The following NFIX variants were observed in gnomAD, a reference collection of about 807,000 sequenced individuals.
NFIX encodes the protein nuclear factor 1 X-type.
NFIX carries 2 observed loss-of-function variants against 53.3 expected under a neutral mutation model. That is an observed-to-expected ratio of 0.04 (90% confidence interval 0.02 to 0.12). The LOEUF (loss-of-function observed/expected upper bound fraction) is 0.12. Among genes scored for constraint, NFIX ranks in the 10% least tolerant of loss-of-function variants. NFIX has a pLI of 1.00. For synonymous variants in NFIX, 244 were observed against 289.0 expected (o/e 0.84, Z 1.58); for missense variants, 310 against 674.5 (o/e 0.46, Z 5.99).
At chr19:13,019,727 G>GTTTTTT (rs201956443) in intron 1 of NFIX, among the ~76,000 whole-genome samples, 4 of 124,028 alleles carry the variant, frequency 3.2e-5, no homozygotes, top group African/African-American at 9.9e-5. Flanking sequence ...TTTTTTGTTT[G>GTTTTTT]TTTGTTTTTT....
rs766690895 is a variant in NFIX at position 13,039,220 on chromosome 19, AC to A, written c.559+13677del. 4.1e-3 allele frequency among the ~76,000 whole-genome samples: 550 copies of A among 135,694 alleles called. 6 individuals are homozygous for A. Among genetic ancestry groups the A allele is most frequent in the African/African-American group, 0.016 (504 of 32,218 alleles). The allele number at this position is 135,694 out of a possible 152,430, so 89.0% of individuals were successfully genotyped here. ...TACATGCATTTCTTTTAAATTAAAC[AC>A]CCCCCCCCACACACACACATACACG... On this transcript the variant is annotated intron_variant, in intron 2 of 10. Transcript: ENST00000592199.
chr19:13,018,846 G>T (rs2012810347), intron 1 of NFIX, among the ~76,000 whole-genome samples: 1 of 152,232 alleles, frequency 6.6e-6, no homozygotes, highest in African/African-American at 2.4e-5. Flanking sequence ...GCTTCTTTTG[G>T]TTCAGACCAA....
intron 1 of NFIX, among the ~76,000 whole-genome samples, chr19:13,003,445 C>T (rs943481380): frequency 6.6e-6 from 1 of 152,144 alleles, no homozygotes; most frequent in Middle Eastern, 3.2e-3. Context: ...TAGAAACACA[C>T]AGCACACACA....
chr19:13,042,725 A>T (rs1350107308), intron 2 of NFIX, among the ~76,000 whole-genome samples: 1 of 86,940 alleles, frequency 1.2e-5, no homozygotes, highest in Admixed American at 1.2e-4. Flanking sequence ...TGTAAACCCC[A>T]CCCCCACCCC....
chr19:13,050,487 C>G (rs370233287), intron 2 of NFIX, among the ~76,000 whole-genome samples: 5 of 152,304 alleles, frequency 3.3e-5, no homozygotes, highest in African/African-American at 1.2e-4. Flanking sequence ...GGGGTGTTAC[C>G]CAGGCAGCTT....
chr19:13,087,939 G>A (rs1442873328), intron 8 of NFIX, 50 bp from the exon 9 acceptor site: 2 of 1,534,734 alleles, frequency 1.3e-6, no homozygotes, highest in Non-Finnish European at 1.7e-6. Flanking sequence ...GGGAGCGTGT[G>A]TCTGTGTGTG....
rs1315729778 is a variant in NFIX at position 13,094,688 on chromosome 19, G to A, written c.*39G>A. The A allele has an allele frequency of 6.5e-7, 1 of 1,532,968 alleles. No homozygotes were observed. The highest frequency in any genetic ancestry group is 2.4e-5 in the East Asian group (1 of 40,862). The allele number at this position is 1,532,968 out of a possible 1,614,324, so 95.0% of individuals were successfully genotyped here. A position where few individuals can be genotyped will look rare whatever the true frequency, so the allele number is the denominator to read the frequency against. ...AGAAACAACAAAATGAGAAGAAGAGGTTCCTCGAAAGGGGGGAGAAGAAAT... is the reference window on the plus strand; with the variant it reads ...AGAAACAACAAAATGAGAAGAAGAGATTCCTCGAAAGGGGGGAGAAGAAAT... On this transcript the variant is annotated 3_prime_UTR_variant, in exon 11 of 11. Transcript: ENST00000592199. This position sits in a 1 kb window ranked among gnomAD's most constrained non-coding sequence, Gnocchi z 4.3.
In NFIX at chr19:13,006,965, G is replaced by T. The variant is rs541585600; in HGVS notation, c.27+11101G>T. 6.6e-6 allele frequency among the ~76,000 whole-genome samples: 1 copy of T among 152,180 alleles called. No homozygotes were observed. Among genetic ancestry groups the T allele is most frequent in the Non-Finnish European group, 1.5e-5 (1 of 68,020 alleles). ...AGGTGGGGGTGGGGAAGTGCTGGGC[G>T]CCTCCAGGCCCCTGCTTGTCCCGTG... On this transcript the variant is annotated intron_variant, in intron 1 of 10. Transcript: ENST00000592199. The surrounding 1 kb of genome is among the most constrained non-coding windows in gnomAD (Gnocchi z 5.6).
intron 2 of NFIX, among the ~76,000 whole-genome samples, chr19:13,050,391 C>T (rs1374212970): frequency 1.3e-5 from 2 of 152,186 alleles, no homozygotes; most frequent in Non-Finnish European, 2.9e-5. Flanking sequence ...AGCCTTGTCC[C>T]GCATCACTTC....
Position 13,037,745 on chromosome 19 carries a change from A to C in NFIX, c.559+12193A>C, listed in dbSNP as rs2145249844. ...ACCCTAGAACAGTGATTTTCAACCA[A>C]GGGCAATTTTGTCCCGCAGGGAACA... On this transcript the variant is annotated intron_variant, in intron 2 of 10. Coordinates refer to ENST00000592199, the MANE Select transcript of NFIX (RefSeq NM_001365902.3). This position sits in a 1 kb window ranked among gnomAD's most constrained non-coding sequence, Gnocchi z 4.2. Among the ~76,000 whole-genome samples the C allele has an allele frequency of 6.6e-6, 1 of 152,288 alleles. No homozygotes were observed. The highest frequency in any genetic ancestry group is 2.1e-4 in the South Asian group (1 of 4,824).
Position 13,095,318 on chromosome 19 carries a change from G to A in NFIX, c.*669G>A, listed in dbSNP as rs1173812219. ...CTAAAAGCCCCCAGGCGGGCAGGGG[G>A]TGACCCCTGGAGCTAGTTGCGTGTC... On this transcript the variant is annotated 3_prime_UTR_variant, in exon 11 of 11. Transcript: ENST00000592199. 3 of 152,486 alleles carry A rather than the reference G, an allele frequency of 2.0e-5. No individual in the cohort carries two copies. The highest frequency in any genetic ancestry group is 4.4e-5 in the Non-Finnish European group (3 of 68,276). The allele number at this position is 152,486 out of a possible 1,614,324, so 9.4% of individuals were successfully genotyped here. A position where few individuals can be genotyped will look rare whatever the true frequency, so the allele number is the denominator to read the frequency against.
Position 13,043,531 on chromosome 19 carries a change from G to T in NFIX, c.559+17979G>T, listed in dbSNP as rs1031048859. 3.9e-5 allele frequency among the ~76,000 whole-genome samples: 6 copies of T among 152,222 alleles called. No homozygotes were observed. In the South Asian group the frequency reaches 8.3e-4, roughly 21 times the overall value. On this transcript the variant is annotated intron_variant, in intron 2 of 10. Coordinates refer to ENST00000592199, the MANE Select transcript of NFIX (RefSeq NM_001365902.3). The surrounding 1 kb of genome is among the most constrained non-coding windows in gnomAD (Gnocchi z 4.0). ...ACACCTGAGGCCAGCTGCGCAGTCTGCCACAAGGCCCCTGGGGCTGCCAAG... is the reference window on the plus strand; with the variant it reads ...ACACCTGAGGCCAGCTGCGCAGTCTTCCACAAGGCCCCTGGGGCTGCCAAG...
intron 6 of NFIX, among the ~76,000 whole-genome samples, chr19:13,076,378 C>T (rs2017103509): frequency 6.6e-6 from 1 of 152,190 alleles, no homozygotes; most frequent in African/African-American, 2.4e-5. Flanking sequence ...GTTGAACCCA[C>T]CCCCCTTCAC....
At chr19:13,087,422 G>A (rs2017843335) in intron 8 of NFIX, among the ~76,000 whole-genome samples, 1 of 152,162 alleles carries the variant, frequency 6.6e-6, no homozygotes, top group Non-Finnish European at 1.5e-5. Context: ...CCCACAGGCA[G>A]TGAGGACCCA....
At position 13,013,063 on chromosome 19, in the gene NFIX, CTAAAA is replaced by C. The variant is rs1568259401; in HGVS notation, c.28-11957_28-11953del. On this transcript the variant is annotated intron_variant, in intron 1 of 10. Coordinates refer to ENST00000592199, the MANE Select transcript of NFIX (RefSeq NM_001365902.3). This position sits in a 1 kb window ranked among gnomAD's most constrained non-coding sequence, Gnocchi z 5.9. ...CGGGCCGCGGGGAGTTGCGCAGACT[CTAAAA>C]AAAAAACCTTTAAAAACCCAAAACC... Among the ~76,000 whole-genome samples the C allele has an allele frequency of 1.7e-5, 2 of 118,566 alleles. No individual in the cohort carries two copies. Among genetic ancestry groups the C allele is most frequent in the Non-Finnish European group, 3.7e-5 (2 of 53,702 alleles). 77.8% of individuals were successfully genotyped at this position (118,566 alleles called of 152,430 possible). A position where few individuals can be genotyped will look rare whatever the true frequency, so the allele number is the denominator to read the frequency against.
intron 2 of NFIX, among the ~76,000 whole-genome samples, chr19:13,033,814 C>A (rs1343098349): frequency 6.6e-6 from 1 of 152,222 alleles, no homozygotes; most frequent in Non-Finnish European, 1.5e-5. Context: ...GCAAACCAGA[C>A]CTGGGGACCA....
Position 13,075,571 on chromosome 19 carries a change from G to C in NFIX, c.855G>C (p.Glu285Asp). 1 of 1,613,826 alleles carries C rather than the reference G, an allele frequency of 6.2e-7. No individual in the cohort carries two copies. Among genetic ancestry groups the C allele is most frequent in the Non-Finnish European group, 8.5e-7 (1 of 1,179,818 alleles). The change falls in exon 6 of 11, where the codon GAG (glutamate) becomes GAC (aspartate). Residue 285 changes from glutamate to aspartate, a missense_variant. Glu to Asp is a conservative substitution (Grantham distance 45). Coordinates refer to ENST00000592199, the MANE Select transcript of NFIX (RefSeq NM_001365902.3). ...GCCCCAAGTCCATCGATGACAGTGA[G>C]ATGGAGAGCCCTGTTGATGACGTGT... ...TKRPKSIDDS[E>D]MESPVDDVFY...
intron 1 of NFIX, among the ~76,000 whole-genome samples, chr19:13,018,568 G>A (rs1199721499): frequency 6.6e-6 from 1 of 152,194 alleles, no homozygotes; most frequent in Non-Finnish European, 1.5e-5. Context: ...TGCATTTTCC[G>A]GTTTCCATTC....
chr19:13,049,075 TAAAAA>T lies in NFIX; in HGVS notation c.559+23528_559+23532del, dbSNP rs895655453. Reference sequence around the variant, plus strand: ...CTGGGCGACAGAGCAAGACTCTGTCTAAAAAAAAACAAAACAAAACAAAAATTAGC... The same window carrying T: ...CTGGGCGACAGAGCAAGACTCTGTCTAAAACAAAACAAAACAAAAATTAGC... On this transcript the variant is annotated intron_variant, in intron 2 of 10. Transcript: ENST00000592199. The surrounding 1 kb of genome is among the most constrained non-coding windows in gnomAD (Gnocchi z 4.5). Among the ~76,000 whole-genome samples, 14 of 149,524 alleles carry T rather than the reference TAAAAA, an allele frequency of 9.4e-5. No individual in the cohort carries two copies. Among genetic ancestry groups the T allele is most frequent in the African/African-American group, 2.9e-4 (12 of 40,738 alleles).
Sources: gnomAD v4.1 joint callset for allele counts (sites outside exome capture counted in the v4.1 genomes callset) on GRCh38, gnomAD v4.1.1 for gene constraint, Gnocchi (gnomAD v3.1) non-coding constraint, MANE v1.5 for transcripts, NCBI Gene and HGNC (gene_info 2026-07-23, HGNC 2026-07-21) for gene names.